The following GALNTL6 variants were observed in gnomAD, a reference collection of about 807,000 sequenced individuals.
The protein encoded by GALNTL6 is polypeptide N-acetylgalactosaminyltransferase-like 6.
A neutral mutation model predicts 73.7 loss-of-function variants in GALNTL6; 46 were observed. The ratio of observed to expected loss-of-function variants is 0.62; its 90% CI spans 0.49 to 0.80. The LOEUF (loss-of-function observed/expected upper bound fraction) is 0.80, where lower values mean the gene tolerates loss of function less well. GALNTL6 is among the 30% of genes least tolerant of loss of function. The pLI is 0.00. For missense variants in GALNTL6, 604 were observed against 755.0 expected (o/e 0.80, Z 2.34); for synonymous variants, 259 against 263.7 (o/e 0.98, Z 0.17).
At chr4:171,852,952 T>C (rs578159035) in intron 2 of GALNTL6, among the ~76,000 whole-genome samples, 1 of 151,414 alleles carries the variant, frequency 6.6e-6, no homozygotes, top group Non-Finnish European at 1.5e-5. Flanking sequence ...GTTCACGCCG[T>C]TCGCCTGCCT....
intron 5 of GALNTL6, among the ~76,000 whole-genome samples, chr4:172,715,241 A>G (rs1051784367): frequency 4.6e-5 from 7 of 152,174 alleles, no homozygotes; most frequent in Admixed American, 2.6e-4. Flanking sequence ...AAGAAAAGCA[A>G]CACTGGTGTA....
intron 2 of GALNTL6, among the ~76,000 whole-genome samples, chr4:172,003,176 A>C (rs2110763169): frequency 6.6e-6 from 1 of 152,228 alleles, no homozygotes; most frequent in Middle Eastern, 3.4e-3. Context: ...CTTGAATAAA[A>C]AATACAGACA....
At chr4:172,894,974 A>T (rs1746243878) in intron 8 of GALNTL6, among the ~76,000 whole-genome samples, 1 of 150,324 alleles carries the variant, frequency 6.7e-6, no homozygotes, top group African/African-American at 2.4e-5. Flanking sequence ...TTTTACTTAA[A>T]GTCTCTTTTG....
intron 5 of GALNTL6, chr4:172,666,689 C>T (rs1019337370): frequency 3.9e-5 from 6 of 152,108 alleles, no homozygotes; most frequent in African/African-American, 1.4e-4. Context: ...GAATGAGAAC[C>T]TAGTTTACTA....
chr4:172,417,999 A>G (rs924903607), intron 5 of GALNTL6, among the ~76,000 whole-genome samples: 1 of 152,166 alleles, frequency 6.6e-6, no homozygotes, highest in Non-Finnish European at 1.5e-5. Flanking sequence ...AGATGTAGTC[A>G]GCAGCTTCAC....
At chr4:171,905,004 T>G (rs1042769165) in intron 2 of GALNTL6, among the ~76,000 whole-genome samples, 2 of 151,732 alleles carry the variant, frequency 1.3e-5, no homozygotes, top group Non-Finnish European at 2.9e-5. Context: ...GCGCTAAACA[T>G]GGAAAGGAAC....
intron 2 of GALNTL6, among the ~76,000 whole-genome samples, chr4:172,167,679 C>T (rs1309468137): frequency 6.6e-6 from 1 of 152,080 alleles, no homozygotes; most frequent in Non-Finnish European, 1.5e-5. Flanking sequence ...ACATTTCTGG[C>T]CGGGCGCGGT....
At chr4:172,231,340 T>C (rs1042547520) in intron 3 of GALNTL6, among the ~76,000 whole-genome samples, 2 of 152,232 alleles carry the variant, frequency 1.3e-5, no homozygotes, top group African/African-American at 4.8e-5. Flanking sequence ...GGATGTTTTA[T>C]ACTAAGTGCT....
At chr4:172,860,608 G>A (rs1744346289) in intron 7 of GALNTL6, among the ~76,000 whole-genome samples, 1 of 152,116 alleles carries the variant, frequency 6.6e-6, no homozygotes, top group Admixed American at 6.6e-5. Context: ...AAAGTGCTGA[G>A]AAAACTAGGA....
intron 2 of GALNTL6, among the ~76,000 whole-genome samples, chr4:172,160,664 A>G (rs1734427757): frequency 6.6e-6 from 1 of 152,026 alleles, no homozygotes; most frequent in Non-Finnish European, 1.5e-5. Flanking sequence ...GCTAAGAGAA[A>G]TGTGGTCCCG....
At chr4:171,815,378 A>T (rs1734498500) in intron 2 of GALNTL6, 1 of 152,438 alleles carries the variant, frequency 6.6e-6, no homozygotes, top group South Asian at 2.1e-4. Context: ...CATACTAAAG[A>T]TATGTAGTAT....
At chr4:172,032,291 G>A (rs1431507467) in intron 2 of GALNTL6, among the ~76,000 whole-genome samples, 3 of 151,908 alleles carry the variant, frequency 2.0e-5, no homozygotes, top group African/African-American at 4.8e-5. Flanking sequence ...GAGATTAATA[G>A]GTGTCATAAT....
chr4:172,627,888 C>A (rs1325662699), intron 5 of GALNTL6, among the ~76,000 whole-genome samples: 3 of 151,316 alleles, frequency 2.0e-5, no homozygotes, highest in Non-Finnish European at 2.9e-5. Flanking sequence ...TTTGGATATT[C>A]TTTTTCTTTG....
At chr4:172,188,456 C>T (rs925336106) in intron 2 of GALNTL6, among the ~76,000 whole-genome samples, 2 of 152,218 alleles carry the variant, frequency 1.3e-5, no homozygotes, top group Non-Finnish European at 1.5e-5. Context: ...CAGTACTAAA[C>T]AGTGGGGACA....
chr4:172,960,459 C>A (rs1266814887), intron 10 of GALNTL6, among the ~76,000 whole-genome samples: 2 of 151,836 alleles, frequency 1.3e-5, no homozygotes, highest in African/African-American at 4.8e-5. Context: ...CTCAGCCTGG[C>A]GAGGAGCAGC....
intron 2 of GALNTL6, among the ~76,000 whole-genome samples, chr4:172,136,088 C>A (rs752120538): frequency 5.3e-5 from 8 of 152,060 alleles, no homozygotes; most frequent in Non-Finnish European, 1.0e-4. Context: ...CAGACTCATA[C>A]AAAAGTTTCA....
At chr4:172,979,567 C>A (rs1197969717) in intron 10 of GALNTL6, among the ~76,000 whole-genome samples, 6 of 152,160 alleles carry the variant, frequency 3.9e-5, no homozygotes, top group Non-Finnish European at 7.3e-5. Context: ...AATACTATTT[C>A]CTCTTCCTGG....
chr4:172,964,549 C>G (rs1750238763), intron 10 of GALNTL6, among the ~76,000 whole-genome samples: 1 of 152,178 alleles, frequency 6.6e-6, no homozygotes, highest in African/African-American at 2.4e-5. Context: ...ATTCCTTCCT[C>G]AAGATTAATG....
At chr4:172,096,948 C>G (rs1732374253) in intron 2 of GALNTL6, among the ~76,000 whole-genome samples, 1 of 152,166 alleles carries the variant, frequency 6.6e-6, no homozygotes, top group African/African-American at 2.4e-5. Flanking sequence ...GATATTCTTG[C>G]ACGCCAACAT....
Sources: gnomAD v4.1 joint callset for allele counts (sites outside exome capture counted in the v4.1 genomes callset) on GRCh38, gnomAD v4.1.1 for gene constraint, MANE v1.5 for transcripts, NCBI Gene and HGNC (gene_info 2026-07-23, HGNC 2026-07-21) for gene names.